The following CCDC170 variants were observed in gnomAD, a reference collection of about 807,000 sequenced individuals.
CCDC170 encodes the protein coiled-coil domain-containing protein 170.
Under a neutral mutation model 72.6 loss-of-function variants are expected in CCDC170, and 69 were observed. The observed-to-expected ratio is 0.95, with a 90% CI of 0.78 to 1.16. CCDC170 has a LOEUF of 1.16. Among genes scored for constraint, CCDC170 ranks in the 50% most tolerant of loss-of-function variants. The probability of loss-of-function intolerance (pLI) is 0.00; values close to 1 mark genes in which losing one functional copy is unlikely to be tolerated. For synonymous variants in CCDC170, 300 were observed against 303.9 expected (o/e 0.99, Z 0.13); for missense variants, 852 against 832.5 (o/e 1.02, Z -0.29).
At chr6:151,555,449 A>G (rs1435573352) in intron 5 of CCDC170, among the ~76,000 whole-genome samples, 1 of 152,224 alleles carries the variant, frequency 6.6e-6, no homozygotes, top group Non-Finnish European at 1.5e-5. Flanking sequence ...AGACCTCTTT[A>G]CAATTCTAGA....
intron 3 of CCDC170, among the ~76,000 whole-genome samples, chr6:151,544,046 T>C (rs1782735213): frequency 6.6e-6 from 1 of 152,242 alleles, no homozygotes; most frequent in South Asian, 2.1e-4. Flanking sequence ...ACACATCTCC[T>C]TTCCAGAGGC....
At chr6:151,587,398 T>C (rs199752562) in intron 7 of CCDC170, among the ~76,000 whole-genome samples, 2 of 151,912 alleles carry the variant, frequency 1.3e-5, no homozygotes, top group African/African-American at 4.8e-5. Context: ...GCAGTGGCTG[T>C]GAAAAACAAG....
intron 9 of CCDC170, among the ~76,000 whole-genome samples, chr6:151,608,118 C>A (rs1049929125): frequency 2.2e-4 from 34 of 152,094 alleles, no homozygotes; most frequent in African/African-American, 8.0e-4. Context: ...TTGAAGCTCT[C>A]AATAATGTTT....
At chr6:151,521,405 G>A (rs1562269939) in intron 1 of CCDC170, among the ~76,000 whole-genome samples, 1 of 151,464 alleles carries the variant, frequency 6.6e-6, no homozygotes, top group Non-Finnish European at 1.5e-5. Flanking sequence ...AATTGTGAAA[G>A]AAAATAATAA....
At chr6:151,597,640 G>A (rs1776645840) in intron 9 of CCDC170, among the ~76,000 whole-genome samples, 1 of 152,178 alleles carries the variant, frequency 6.6e-6, no homozygotes, top group Non-Finnish European at 1.5e-5. Flanking sequence ...CAGTGGAGAA[G>A]GTCACCAGAA....
At chr6:151,579,111 C>T (rs1776346404) in intron 6 of CCDC170, among the ~76,000 whole-genome samples, 1 of 152,040 alleles carries the variant, frequency 6.6e-6, no homozygotes, top group Admixed American at 6.6e-5. Flanking sequence ...CCTCCACTGC[C>T]CACCTCTAGT....
intron 9 of CCDC170, among the ~76,000 whole-genome samples, chr6:151,602,549 G>A (rs538733788): frequency 5.3e-5 from 8 of 152,212 alleles, no homozygotes; most frequent in African/African-American, 1.9e-4. Context: ...GAGGGAGGGA[G>A]GTGATTGGAT....
At chr6:151,616,532 C>T (rs191273365) in intron 10 of CCDC170, among the ~76,000 whole-genome samples, 285 of 151,962 alleles carry the variant, frequency 1.9e-3, no homozygotes, top group African/African-American at 6.2e-3. Flanking sequence ...GAAAGCCAAA[C>T]GACACAATGA....
rs181273388 is a variant in CCDC170 at position 151,610,374 on chromosome 6, A to C, written c.1711-5069A>C. On this transcript the variant is annotated intron_variant, in intron 9 of 10. Transcript: ENST00000239374. ...TATTTAATTGTTTTGAAAAATGTCT[A>C]AGCTGTAGAAAATGGCAGGAATAGT... Among the ~76,000 whole-genome samples the C allele has an allele frequency of 2.6e-4, 39 of 152,304 alleles. 1 individual carries two copies. Among genetic ancestry groups the C allele is most frequent in the South Asian group, 2.1e-3 (10 of 4,820 alleles).
chr6:151,520,090 C>G (rs1281488395), intron 1 of CCDC170, among the ~76,000 whole-genome samples: 1 of 152,248 alleles, frequency 6.6e-6, no homozygotes, highest in Admixed American at 6.5e-5. Flanking sequence ...TGGAGCCACT[C>G]TGGTTCCAAT....
chr6:151,532,959 C>T (rs17054385), intron 1 of CCDC170, among the ~76,000 whole-genome samples: 22,735 of 152,196 alleles, frequency 0.15, 2,182 homozygotes, highest in East Asian at 0.5. Context: ...CTTGCCTGCA[C>T]GGGCCAGATC....
chr6:151,503,894 A>G (rs1264521558), intron 1 of CCDC170, among the ~76,000 whole-genome samples: 1 of 152,192 alleles, frequency 6.6e-6, no homozygotes, highest in Non-Finnish European at 1.5e-5. Flanking sequence ...TGCATTGCAG[A>G]TGGAACCTTG....
intron 5 of CCDC170, among the ~76,000 whole-genome samples, chr6:151,568,105 GAA>G (rs771627857): frequency 3.8e-3 from 147 of 38,240 alleles, no homozygotes; most frequent in Middle Eastern, 0.028. Context: ...GTGAGACTCT[GAA>G]AAAAAAAAAA....
chr6:151,575,789 A>G (rs1428552311), intron 6 of CCDC170, among the ~76,000 whole-genome samples: 1 of 151,758 alleles, frequency 6.6e-6, no homozygotes, highest in Non-Finnish European at 1.5e-5. Flanking sequence ...CGGCCTCCCA[A>G]AGTGCTGGGA....
At chr6:151,557,496 C>T (rs926732527) in intron 5 of CCDC170, among the ~76,000 whole-genome samples, 8 of 151,966 alleles carry the variant, frequency 5.3e-5, no homozygotes, top group Non-Finnish European at 1.0e-4. Context: ...CTGCAGTAAA[C>T]ATGAGTGTGC....
chr6:151,618,198 A>G lies in CCDC170; in HGVS notation c.*51A>G, dbSNP rs748754348. The G allele has an allele frequency of 1.9e-5, 28 of 1,445,504 alleles. No individual in the cohort carries two copies. The highest frequency in any genetic ancestry group is 2.6e-5 in the Non-Finnish European group (27 of 1,037,090). The allele number at this position is 1,445,504 out of a possible 1,614,324, so 89.5% of individuals were successfully genotyped here. On this transcript the variant is annotated 3_prime_UTR_variant, in exon 11 of 11. Coordinates refer to ENST00000239374, the MANE Select transcript of CCDC170 (RefSeq NM_025059.4). ...CCATAAGACATGGCACACAATTCCC[A>G]ATTTCACAAATTCCTCATGTCTTTG...
At chr6:151,578,464 T>A (rs1776334565) in intron 6 of CCDC170, among the ~76,000 whole-genome samples, 1 of 152,180 alleles carries the variant, frequency 6.6e-6, no homozygotes, top group South Asian at 2.1e-4. Context: ...CCTCTATGCA[T>A]GTCGGTCTTC....
chr6:151,591,462 A>G (rs1444014075), intron 7 of CCDC170, among the ~76,000 whole-genome samples: 20 of 151,680 alleles, frequency 1.3e-4, no homozygotes, highest in East Asian at 5.8e-4. Context: ...GCGCTGTTTT[A>G]GGGGGGAGGT....
Position 151,618,694 on chromosome 6 carries a change from A to G in CCDC170, c.*547A>G. 1 of 157,708 alleles carries G rather than the reference A, an allele frequency of 6.3e-6. No individual in the cohort carries two copies. Among genetic ancestry groups the G allele is most frequent in the South Asian group, 1.8e-4 (1 of 5,428 alleles). 9.8% of individuals were successfully genotyped at this position (157,708 alleles called of 1,614,324 possible). A position where few individuals can be genotyped will look rare whatever the true frequency, so the allele number is the denominator to read the frequency against. ...TGGTGGGAATTGTTTGCATAGAGGA[A>G]GGACAATAACCCTGCCATCGTGAGT... is the stretch of plus-strand genomic sequence containing the variant. On this transcript the variant is annotated 3_prime_UTR_variant, in exon 11 of 11. Transcript: ENST00000239374.
Sources: allele counts gnomAD v4.1 joint callset (sites outside exome capture counted in the v4.1 genomes callset), GRCh38; gene constraint gnomAD v4.1.1; transcripts MANE v1.5; gene names NCBI Gene and HGNC (gene_info 2026-07-23, HGNC 2026-07-21).